FNTA: variants seen among roughly 807,000 people sequenced by gnomAD.
FNTA encodes farnesyltransferase, CAAX box, subunit alpha, also known as protein farnesyltransferase/geranylgeranyltransferase type-1 subunit alpha.
A neutral mutation model predicts 55.2 loss-of-function variants in FNTA; 27 were observed. That is an observed-to-expected ratio of 0.49 (90% CI 0.36 to 0.67). The LOEUF (loss-of-function observed/expected upper bound fraction) is 0.67. Among genes scored for constraint, FNTA ranks in the 30% least tolerant of loss-of-function variants. The pLI is 0.00. For missense variants in FNTA, 422 were observed against 464.7 expected (o/e 0.91, Z 0.85); for synonymous variants, 176 against 170.7 (o/e 1.03, Z -0.24).
chr8:43,059,006 T>C, intron 1 of FNTA, 86 bp from the exon 2 acceptor site: 1 of 966,344 alleles, frequency 1.0e-6, no homozygotes, highest in Non-Finnish European at 1.6e-6. Flanking sequence ...TCAATGTAAC[T>C]GTAATTATTG....
At chr8:43,075,536 C>T (rs1183503236) in intron 5 of FNTA, among the ~76,000 whole-genome samples, 1 of 151,546 alleles carries the variant, frequency 6.6e-6, no homozygotes, top group Non-Finnish European at 1.5e-5. Flanking sequence ...TTTATATTGC[C>T]TGGGTGTGGT....
At chr8:43,082,251 G>T (rs1012628572) in intron 6 of FNTA, 4 of 152,190 alleles carry the variant, frequency 2.6e-5, no homozygotes, top group African/African-American at 7.2e-5. Context: ...GAAGATAAAG[G>T]TATGGAGCAC....
At position 43,072,555 on chromosome 8, in the gene FNTA, C is replaced by T. The variant is rs180768070; in HGVS notation, c.633+248C>T. ...AGCCTGGGCAACAAAGTGAGACCCC[C>T]GTCTCTACAAAAAATACAAAAATTA... On this transcript the variant is annotated intron_variant, in intron 5 of 8. Coordinates refer to ENST00000302279, the MANE Select transcript of FNTA (RefSeq NM_002027.3). Among the ~76,000 whole-genome samples, 16 of 152,006 alleles carry T rather than the reference C, an allele frequency of 1.1e-4. No homozygotes were observed. In the East Asian group the frequency reaches 2.1e-3, roughly 20 times the overall value.
chr8:43,069,680 T>C, intron 4 of FNTA, 21 bp downstream of exon 4: 1 of 1,494,340 alleles, frequency 6.7e-7, no homozygotes, highest in Non-Finnish European at 9.3e-7. Context: ...AGTCTAGCTG[T>C]GTCTCCCAGG....
At chr8:43,075,174 C>T (rs1207736206) in intron 5 of FNTA, among the ~76,000 whole-genome samples, 1 of 152,100 alleles carries the variant, frequency 6.6e-6, no homozygotes, top group Non-Finnish European at 1.5e-5. Context: ...GATACAAAAG[C>T]TTGTAGGTGT....
rs563612401 is a variant in FNTA at position 43,079,272 on chromosome 8, A to G, written c.782+1908A>G. ...AAGAAGATGCCATCTAAGACTTTTC[A>G]TAGCTAGAGAGAAGGCACTGCTTCA... On this transcript the variant is annotated intron_variant, in intron 6 of 8. Coordinates refer to ENST00000302279, the MANE Select transcript of FNTA (RefSeq NM_002027.3). 1.2e-4 allele frequency: 23 copies of G among 188,624 alleles called. No homozygotes were observed. The Middle Eastern group carries it at 7.0e-3, about 57-fold the overall frequency. 11.7% of individuals were successfully genotyped at this position (188,624 alleles called of 1,614,324 possible).
chr8:43,079,345 T>C (rs1257159228), intron 6 of FNTA: 1 of 155,700 alleles, frequency 6.4e-6, no homozygotes, highest in Non-Finnish European at 1.4e-5. Flanking sequence ...ATGCAGCTGG[T>C]GACTTGAAGT....
chr8:43,080,590 A>C (rs1001691261), intron 6 of FNTA: 1 of 152,220 alleles, frequency 6.6e-6, no homozygotes, highest in African/African-American at 2.4e-5. Context: ...CATATCTGCA[A>C]GGTATTCCTG....
At position 43,073,908 on chromosome 8, in the gene FNTA, T is replaced by G. The variant is rs367862678; in HGVS notation, c.633+1601T>G. 2.0e-5 allele frequency among the ~76,000 whole-genome samples: 3 copies of G among 152,198 alleles called. No individual in the cohort carries two copies. In the East Asian group the frequency reaches 5.8e-4, roughly 29 times the overall value. On this transcript the variant is annotated intron_variant, in intron 5 of 8. Coordinates refer to ENST00000302279, the MANE Select transcript of FNTA (RefSeq NM_002027.3). ...GTCTATTTCTATATGGAAAACTATT[T>G]TATTAATATTTCAGTTATTTTCAAT...
At position 43,085,362 on chromosome 8, in the gene FNTA, T is replaced by TAA. The variant is rs1811106342; in HGVS notation, c.*80_*81insAA. 5 of 1,354,480 alleles carry TAA rather than the reference T, an allele frequency of 3.7e-6. No homozygotes were observed. In the African/African-American group the frequency reaches 7.4e-5, roughly 20 times the overall value. 83.9% of individuals were successfully genotyped at this position (1,354,480 alleles called of 1,614,324 possible). A position where few individuals can be genotyped will look rare whatever the true frequency, so the allele number is the denominator to read the frequency against. Reference sequence around the variant, plus strand: ...AGGAGTTTCACACGAGAGTGGTCCTTCCCTTTGCCTGTGGTGTAAAAGTGC... The same window carrying TAA: ...AGGAGTTTCACACGAGAGTGGTCCTTAACCCTTTGCCTGTGGTGTAAAAGTGC... On this transcript the variant is annotated 3_prime_UTR_variant, in exon 9 of 9. Transcript: ENST00000302279.
At chr8:43,062,289 T>G (rs1169563877) in intron 2 of FNTA, among the ~76,000 whole-genome samples, 1 of 147,364 alleles carries the variant, frequency 6.8e-6, no homozygotes, top group Non-Finnish European at 1.5e-5. Flanking sequence ...GGAAGCTTGG[T>G]TTTTTTTTTG....
At chr8:43,077,893 A>G (rs1278076297) in intron 6 of FNTA, 1 of 152,210 alleles carries the variant, frequency 6.6e-6, no homozygotes, top group Non-Finnish European at 1.5e-5. Flanking sequence ...ATTGGCATCA[A>G]TTTCTATATT....
intron 2 of FNTA, among the ~76,000 whole-genome samples, chr8:43,060,432 T>C (rs1397515706): frequency 6.6e-6 from 1 of 152,122 alleles, no homozygotes; most frequent in Non-Finnish European, 1.5e-5. Context: ...CCCAGTACTT[T>C]GGGAGGCTGA....
At chr8:43,074,575 ACTC>A (rs1235350906) in intron 5 of FNTA, among the ~76,000 whole-genome samples, 2 of 151,714 alleles carry the variant, frequency 1.3e-5, no homozygotes, top group East Asian at 3.9e-4. Flanking sequence ...ACACACTACT[ACTC>A]ACCAGTCAAA....
intron 2 of FNTA, among the ~76,000 whole-genome samples, chr8:43,062,229 T>A (rs1006912046): frequency 1.3e-5 from 2 of 151,978 alleles, no homozygotes; most frequent in African/African-American, 4.8e-5. Context: ...TATATACATT[T>A]GTATACATAT....
intron 6 of FNTA, chr8:43,081,969 C>G (rs1257515862): frequency 6.6e-6 from 1 of 152,038 alleles, no homozygotes; most frequent in Non-Finnish European, 1.5e-5. Flanking sequence ...AAACAAGGAC[C>G]AGCTAAGACC....
chr8:43,062,225 C>G (rs28626408), intron 2 of FNTA, among the ~76,000 whole-genome samples: 112,094 of 150,916 alleles, frequency 0.74, 43,773 homozygotes, highest in Non-Finnish European at 0.87. Context: ...TATATATATA[C>G]ATTTGTATAC....
intron 3 of FNTA, among the ~76,000 whole-genome samples, chr8:43,067,995 C>T (rs192792909): frequency 6.6e-6 from 1 of 152,278 alleles, no homozygotes; most frequent in Admixed American, 6.5e-5. Flanking sequence ...CGACTCCCGG[C>T]TTCAAGCAAG....
rs905047862 is a variant in FNTA, at chr8:43,085,515, A to G, written c.*233A>G. On this transcript the variant is annotated 3_prime_UTR_variant, in exon 9 of 9. Transcript: ENST00000302279. ...GATGGGAGGAGGAAGAAAAAGTCCCATAAAGGAACTTTTGTAGTCTTATCA... is the reference window on the plus strand; with the variant it reads ...GATGGGAGGAGGAAGAAAAAGTCCCGTAAAGGAACTTTTGTAGTCTTATCA... 9.9e-6 allele frequency: 5 copies of G among 507,278 alleles called. No individual in the cohort carries two copies. In the Admixed American group the frequency reaches 1.7e-4, roughly 17 times the overall value. 31.4% of individuals were successfully genotyped at this position (507,278 alleles called of 1,614,324 possible).
Sources: allele counts gnomAD v4.1 joint callset (sites outside exome capture counted in the v4.1 genomes callset), GRCh38; gene constraint gnomAD v4.1.1; transcripts MANE v1.5; gene names NCBI Gene and HGNC (gene_info 2026-07-23, HGNC 2026-07-21).